The following CNTLN variants were observed in gnomAD, a reference collection of about 807,000 sequenced individuals.
CNTLN encodes centlein, centrosomal protein.
A neutral mutation model predicts 180.0 loss-of-function variants in CNTLN; 212 were observed. That is an observed-to-expected ratio of 1.18 (90% confidence interval 1.05 to 1.32). CNTLN has a LOEUF of 1.32. CNTLN is among the 40% of genes most tolerant of loss of function. CNTLN has a pLI of 0.00. For missense variants in CNTLN, 2,095 were observed against 1,610.9 expected (o/e 1.30, Z -5.14); for synonymous variants, 722 against 563.1 (o/e 1.28, Z -3.99).
At chr9:17,352,662 C>T (rs1822478725) in intron 12 of CNTLN, among the ~76,000 whole-genome samples, 1 of 152,102 alleles carries the variant, frequency 6.6e-6, no homozygotes, top group Non-Finnish European at 1.5e-5. Context: ...GCATTTTCAT[C>T]ACCACTGAAG....
At chr9:17,482,292 G>T (rs1217877223) in intron 23 of CNTLN, among the ~76,000 whole-genome samples, 1 of 152,096 alleles carries the variant, frequency 6.6e-6, no homozygotes, top group East Asian at 1.9e-4. Flanking sequence ...AAAGTTATCA[G>T]TCTTTGCAGT....
chr9:17,346,566 C>T (rs574683986), intron 12 of CNTLN, among the ~76,000 whole-genome samples: 1 of 152,288 alleles, frequency 6.6e-6, no homozygotes, highest in East Asian at 1.9e-4. Context: ...CTTTTGGCCT[C>T]TATTGTTTCT....
chr9:17,366,485 C>T (rs1039218779), intron 12 of CNTLN, 132 bp from the exon 13 acceptor site: 1 of 422,826 alleles, frequency 2.4e-6, no homozygotes. Context: ...TTTTACTCTT[C>T]TCCATTTTAT....
intron 1 of CNTLN, 143 bp downstream of exon 1, chr9:17,135,568 C>T: frequency 3.4e-6 from 4 of 1,184,192 alleles, no homozygotes; most frequent in Non-Finnish European, 4.5e-6. Context: ...TCGCTCGCGG[C>T]CGGGGGCTGG....
chr9:17,433,032 A>AC (rs1044141826), intron 18 of CNTLN, among the ~76,000 whole-genome samples: 24 of 150,142 alleles, frequency 1.6e-4, no homozygotes, highest in African/African-American at 4.9e-4. Context: ...AAAAAAAAAA[A>AC]AAAAAACAAA....
intron 3 of CNTLN, among the ~76,000 whole-genome samples, chr9:17,232,187 T>C (rs536731369): frequency 6.6e-6 from 1 of 152,064 alleles, no homozygotes; most frequent in Non-Finnish European, 1.5e-5. Context: ...ACTTTTACAC[T>C]TTTAGAGTTT....
chr9:17,291,515 A>C (rs1347069743), intron 6 of CNTLN, among the ~76,000 whole-genome samples: 1 of 152,164 alleles, frequency 6.6e-6, no homozygotes, highest in South Asian at 2.1e-4. Flanking sequence ...TATATTTAGG[A>C]TAGTTAGCAG....
chr9:17,264,399 C>G (rs1466060544), intron 5 of CNTLN, among the ~76,000 whole-genome samples: 1 of 151,220 alleles, frequency 6.6e-6, no homozygotes, highest in African/African-American at 2.4e-5. Flanking sequence ...TTCCATTGAT[C>G]TATATCTCTG....
chr9:17,376,397 T>A (rs1052378915), intron 13 of CNTLN, among the ~76,000 whole-genome samples: 7 of 152,034 alleles, frequency 4.6e-5, no homozygotes, highest in Non-Finnish European at 7.4e-5. Flanking sequence ...GAGATAAAAA[T>A]TTTTAATATT....
intron 1 of CNTLN, among the ~76,000 whole-genome samples, chr9:17,139,890 A>G (rs180695867): frequency 6.6e-6 from 1 of 152,136 alleles, no homozygotes; most frequent in African/African-American, 2.4e-5. Context: ...TTTTTTGTAG[A>G]GATGGGGTCT....
intron 15 of CNTLN, among the ~76,000 whole-genome samples, chr9:17,404,380 G>T (rs1321312100): frequency 6.6e-6 from 1 of 151,710 alleles, no homozygotes; most frequent in African/African-American, 2.4e-5. Flanking sequence ...TCATTAGTAT[G>T]ATCTTGGGCT....
In CNTLN at chr9:17,305,232, A is replaced by G. The variant is rs150389006; in HGVS notation, c.1147-3826A>G. Among the ~76,000 whole-genome samples the G allele has an allele frequency of 1.0e-3, 152 of 152,310 alleles. 2 individuals are homozygous for G. The highest frequency in any genetic ancestry group is 3.6e-3 in the African/African-American group (150 of 41,590). On this transcript the variant is annotated intron_variant, in intron 7 of 25. Coordinates refer to ENST00000380647, the MANE Select transcript of CNTLN (RefSeq NM_017738.4). ...CTTAATTTCTTCAACAGAAAATAGC[A>G]TGAAGAATAGTAAGGATAGTATATT...
chr9:17,166,715 A>C (rs1324191148), intron 2 of CNTLN: 3 of 263,424 alleles, frequency 1.1e-5, no homozygotes, highest in Non-Finnish European at 1.6e-5. Context: ...AATTGTTTTC[A>C]ACCTAAAATT....
At chr9:17,216,226 T>G (rs1284048396) in intron 2 of CNTLN, among the ~76,000 whole-genome samples, 2 of 152,184 alleles carry the variant, frequency 1.3e-5, no homozygotes, top group African/African-American at 4.8e-5. Flanking sequence ...AATTAGTGGT[T>G]AAGAACACAA....
At chr9:17,343,315 GT>G (rs1400148214) in intron 12 of CNTLN, among the ~76,000 whole-genome samples, 1 of 152,150 alleles carries the variant, frequency 6.6e-6, no homozygotes, top group Non-Finnish European at 1.5e-5. Flanking sequence ...CAAGCATACA[GT>G]TTTTTAAAGC....
At chr9:17,364,494 A>T in intron 12 of CNTLN, among the ~76,000 whole-genome samples, 1 of 151,666 alleles carries the variant, frequency 6.6e-6, no homozygotes. Flanking sequence ...TGTTTCATAA[A>T]CCCCTGTTCT....
At chr9:17,218,925 A>C (rs1213026294) in intron 2 of CNTLN, among the ~76,000 whole-genome samples, 1 of 152,156 alleles carries the variant, frequency 6.6e-6, no homozygotes, top group African/African-American at 2.4e-5. Flanking sequence ...TAACATAATA[A>C]AATTTTGTTT....
chr9:17,207,326 C>T (rs963874449), intron 2 of CNTLN, among the ~76,000 whole-genome samples: 7 of 152,148 alleles, frequency 4.6e-5, no homozygotes, highest in South Asian at 2.1e-4. Flanking sequence ...TTCCCTTGCG[C>T]GTTTCCCACA....
chr9:17,164,789 G>T (rs1819949158), intron 2 of CNTLN, among the ~76,000 whole-genome samples: 1 of 149,938 alleles, frequency 6.7e-6, no homozygotes, highest in South Asian at 2.1e-4. Context: ...CTCTCTACTA[G>T]AATAAAAGTC....
Sources: gnomAD v4.1 joint callset for allele counts (sites outside exome capture counted in the v4.1 genomes callset) on GRCh38, gnomAD v4.1.1 for gene constraint, MANE v1.5 for transcripts, NCBI Gene and HGNC (gene_info 2026-07-23, HGNC 2026-07-21) for gene names.